The following TRDN variants were observed in gnomAD, a reference collection of about 807,000 sequenced individuals.
TRDN encodes the protein triadin in skeletal muscle.
In TRDN, 161 loss-of-function variants were observed where a neutral mutation model predicts 149.7. That is an observed-to-expected ratio of 1.08 (90% CI 0.95 to 1.23). TRDN has a LOEUF of 1.23. Among genes scored for constraint, TRDN ranks in the 50% most tolerant of loss-of-function variants. The pLI is 0.00. For missense variants in TRDN, 896 were observed against 823.5 expected, an observed-to-expected ratio of 1.09 and a Z score of -1.08; for synonymous variants, 294 against 250.5, an observed-to-expected ratio of 1.17 and a Z score of -1.64.
chr6:123,497,248 CT>C lies in TRDN; in HGVS notation c.797del (p.Gln266ArgfsTer8). 6.5e-7 allele frequency: 1 copy of C among 1,537,714 alleles called. No homozygotes were observed. Among genetic ancestry groups the C allele is most frequent in the Non-Finnish European group, 8.7e-7 (1 of 1,144,840 alleles). On this transcript the variant is annotated frameshift_variant, in exon 9 of 41. Coordinates refer to ENST00000334268, the MANE Select transcript of TRDN (RefSeq NM_006073.4). LOFTEE classifies it high-confidence loss of function. The part of the protein sequence containing the change: ...AAVSKHEQKD[Q>X]YAFCRYMIDI... ...CAATCATATATCGACAGAATGCATA[CT>C]GATCTGACAGAGTAGAAAGAAAAAG...
At chr6:123,452,265 A>C (rs1256671499) in intron 10 of TRDN, among the ~76,000 whole-genome samples, 2 of 152,144 alleles carry the variant, frequency 1.3e-5, no homozygotes, top group Non-Finnish European at 2.9e-5. Context: ...GACAAGAGAA[A>C]GAAATAAAGA....
At chr6:123,505,104 C>T (rs772488823) in intron 7 of TRDN, among the ~76,000 whole-genome samples, 13 of 151,540 alleles carry the variant, frequency 8.6e-5, no homozygotes, top group African/African-American at 1.2e-4. Context: ...ATTAGCTGGG[C>T]GTGGTGGTGC....
intron 1 of TRDN, among the ~76,000 whole-genome samples, chr6:123,578,437 T>G (rs1782959892): frequency 6.6e-6 from 1 of 152,162 alleles, no homozygotes; most frequent in South Asian, 2.1e-4. Flanking sequence ...CTTGTTTTTG[T>G]CAGCTTTGTC....
intron 22 of TRDN, among the ~76,000 whole-genome samples, chr6:123,332,544 A>G (rs1779700041): frequency 6.6e-6 from 1 of 152,136 alleles, no homozygotes; most frequent in South Asian, 2.1e-4. Flanking sequence ...TCTTCAGTGT[A>G]ATTCAGACCA....
At chr6:123,426,630 A>G (rs1189768038) in intron 12 of TRDN, among the ~76,000 whole-genome samples, 1 of 152,134 alleles carries the variant, frequency 6.6e-6, no homozygotes, top group Admixed American at 6.6e-5. Flanking sequence ...TTTCACCTCT[A>G]CATCAGCATG....
At chr6:123,425,251 GTGTGT>G (rs1315771360) in intron 12 of TRDN, among the ~76,000 whole-genome samples, 1 of 127,218 alleles carries the variant, frequency 7.9e-6, no homozygotes, top group Non-Finnish European at 1.9e-5. Context: ...GTGTGTGTGT[GTGTGT>G]GTGTGTGTGT....
intron 33 of TRDN, among the ~76,000 whole-genome samples, chr6:123,261,473 G>A (rs1036173866): frequency 6.6e-5 from 10 of 151,640 alleles, no homozygotes; most frequent in Non-Finnish European, 1.3e-4. Flanking sequence ...TAAACTTACA[G>A]ATTAATATTT....
intron 5 of TRDN, among the ~76,000 whole-genome samples, chr6:123,520,352 A>C (rs1178157033): frequency 6.6e-6 from 1 of 152,174 alleles, no homozygotes; most frequent in Non-Finnish European, 1.5e-5. Flanking sequence ...TGGATAAGAA[A>C]ATATGCTCAT....
chr6:123,467,833 A>G (rs1776924306), intron 9 of TRDN, among the ~76,000 whole-genome samples: 1 of 152,174 alleles, frequency 6.6e-6, no homozygotes, highest in Non-Finnish European at 1.5e-5. Flanking sequence ...TATTTATAAT[A>G]CAGCTCTACA....
intron 9 of TRDN, among the ~76,000 whole-genome samples, chr6:123,479,427 T>C (rs1777644845): frequency 1.3e-5 from 2 of 152,230 alleles, no homozygotes; most frequent in African/African-American, 2.4e-5. Flanking sequence ...TTGTAATATA[T>C]TCTGAATATC....
intron 40 of TRDN, among the ~76,000 whole-genome samples, chr6:123,220,865 A>G (rs1191086406): frequency 6.6e-6 from 1 of 151,788 alleles, no homozygotes; most frequent in Non-Finnish European, 1.5e-5. Flanking sequence ...TTCTGCAATG[A>G]CTTTAATGCA....
chr6:123,614,099 G>A (rs1175706441), intron 1 of TRDN, among the ~76,000 whole-genome samples: 1 of 151,776 alleles, frequency 6.6e-6, no homozygotes, highest in Non-Finnish European at 1.5e-5. Flanking sequence ...GGCTTGTTAG[G>A]AATGCAGGTT....
chr6:123,519,728 A>G (rs1280887639), intron 5 of TRDN, among the ~76,000 whole-genome samples: 1 of 122,690 alleles, frequency 8.2e-6, no homozygotes, highest in African/African-American at 4.4e-5. Flanking sequence ...GTACCCAACC[A>G]AAAAAAAAAA....
chr6:123,621,082 G>A lies in TRDN; in HGVS notation c.22+15672C>T, dbSNP rs566167656. 1.1e-3 allele frequency among the ~76,000 whole-genome samples: 173 copies of A among 152,200 alleles called. 1 individual carries two copies. The highest frequency in any genetic ancestry group is 4.0e-3 in the African/African-American group (168 of 41,538). ...AGCTCCAAGTAAAATGCTTGGCAAT[G>A]AGGACATGACATTCAATCAATATTA... On this transcript the variant is annotated intron_variant, in intron 1 of 40. Transcript: ENST00000334268.
intron 23 of TRDN, among the ~76,000 whole-genome samples, chr6:123,316,775 G>A (rs1779040104): frequency 2.0e-5 from 3 of 151,640 alleles, no homozygotes; most frequent in Non-Finnish European, 4.4e-5. Context: ...TTTAATAAAA[G>A]CCAGGACTTA....
intron 2 of TRDN, among the ~76,000 whole-genome samples, chr6:123,555,653 T>C (rs947165442): frequency 1.3e-5 from 2 of 152,184 alleles, no homozygotes; most frequent in Non-Finnish European, 1.5e-5. Flanking sequence ...TTTATAGTCC[T>C]AAAACCATGT....
intron 7 of TRDN, 27 bp downstream of exon 7, chr6:123,512,276 T>A (rs993696492): frequency 1.6e-6 from 2 of 1,284,680 alleles, no homozygotes; most frequent in Non-Finnish European, 2.2e-6. Context: ...AGAATTTAGT[T>A]ATGGAAATAA....
intron 21 of TRDN, among the ~76,000 whole-genome samples, chr6:123,348,075 T>C (rs1205457376): frequency 6.6e-6 from 1 of 152,026 alleles, no homozygotes; most frequent in African/African-American, 2.4e-5. Context: ...AATTTTTCCT[T>C]TTTTTTCTGT....
intron 24 of TRDN, among the ~76,000 whole-genome samples, chr6:123,300,548 T>A (rs1778362156): frequency 6.6e-6 from 1 of 151,932 alleles, no homozygotes; most frequent in South Asian, 2.1e-4. Flanking sequence ...AAATTGTACC[T>A]GTCATAGACT....
Sources: allele counts gnomAD v4.1 joint callset (sites outside exome capture counted in the v4.1 genomes callset), GRCh38; gene constraint gnomAD v4.1.1; transcripts MANE v1.5; gene names NCBI Gene and HGNC (gene_info 2026-07-23, HGNC 2026-07-21).